Variants in N4BP1 observed in about 807,000 individuals in gnomAD.
The protein encoded by N4BP1 is NEDD4-binding protein 1.
In N4BP1, 21 loss-of-function variants were observed where a neutral mutation model predicts 70.9. The ratio of observed to expected loss-of-function variants is 0.30; its 90% CI spans 0.21 to 0.43. N4BP1 has a LOEUF of 0.43. Ranked by LOEUF, N4BP1 falls within the 20% of genes least tolerant of loss-of-function variation. The pLI is 1.00. For synonymous variants in N4BP1, 387 were observed against 394.6 expected (o/e 0.98, Z 0.23); for missense variants, 936 against 1,069.4 (o/e 0.88, Z 1.74).
chr16:48,542,915 C>A lies in N4BP1; in HGVS notation c.2680G>T (p.Val894Leu). 1 of 1,607,642 alleles carries A rather than the reference C, an allele frequency of 6.2e-7. No homozygotes were observed. Among genetic ancestry groups the A allele is most frequent in the Non-Finnish European group, 8.5e-7 (1 of 1,175,278 alleles). The stretch of plus-strand genomic sequence containing the variant: ...GCTCAGCACAATCTTCAATCCAACA[C>A]CATGGCAGAAAGCGCATTTAGATCT... ...MKDLNALSAMVLD is the reference protein window; with the variant it reads ...MKDLNALSAMLLD The change falls in exon 7 of 7, where the codon GTG (valine) becomes TTG (leucine). Residue 894 changes from valine to leucine, a missense_variant. Transcript: ENST00000262384.
chr16:48,550,300 G>A (rs956585457), intron 4 of N4BP1, among the ~76,000 whole-genome samples: 1 of 151,952 alleles, frequency 6.6e-6, no homozygotes, highest in Non-Finnish European at 1.5e-5. Context: ...ATCATCTGAG[G>A]TCAGGAGTTT....
intron 1 of N4BP1, among the ~76,000 whole-genome samples, chr16:48,604,832 GATA>G: frequency 6.6e-6 from 1 of 152,024 alleles, no homozygotes; most frequent in Non-Finnish European, 1.5e-5. Flanking sequence ...GCTTCTCTTA[GATA>G]ATAAGACTGG....
At position 48,541,796 on chromosome 16, in the gene N4BP1, G is replaced by C. The variant is rs1017882887; in HGVS notation, c.*1108C>G. 6.6e-6 allele frequency: 1 copy of C among 152,624 alleles called. No homozygotes were observed. The highest frequency in any genetic ancestry group is 1.5e-5 in the Non-Finnish European group (1 of 68,048). 9.5% of individuals were successfully genotyped at this position (152,624 alleles called of 1,614,324 possible). Reference sequence around the variant, plus strand: ...ATATTAAGATATCAATTCTGAGAAAGACTCACAGGAAAGGCTGTTTAGGAG... The same window carrying C: ...ATATTAAGATATCAATTCTGAGAAACACTCACAGGAAAGGCTGTTTAGGAG... On this transcript the variant is annotated 3_prime_UTR_variant, in exon 7 of 7. Coordinates refer to ENST00000262384, the MANE Select transcript of N4BP1 (RefSeq NM_153029.4).
chr16:48,565,849 G>A (rs905163676), intron 1 of N4BP1, among the ~76,000 whole-genome samples: 1 of 152,198 alleles, frequency 6.6e-6, no homozygotes, highest in African/African-American at 2.4e-5. Context: ...TATGAAGTGA[G>A]TCATGGCAGT....
At chr16:48,605,443 C>G (rs1175829969) in intron 1 of N4BP1, among the ~76,000 whole-genome samples, 1 of 152,188 alleles carries the variant, frequency 6.6e-6, no homozygotes, top group East Asian at 1.9e-4. Context: ...TCACTTTAAT[C>G]TCTATTTGCG....
chr16:48,607,506 G>C (rs1964601764), intron 1 of N4BP1, among the ~76,000 whole-genome samples: 1 of 152,194 alleles, frequency 6.6e-6, no homozygotes, highest in South Asian at 2.1e-4. Flanking sequence ...TCCAGGGCAG[G>C]AGAATGACTT....
intron 4 of N4BP1, 97 bp downstream of exon 4, chr16:48,551,289 A>C (rs1963662027): frequency 2.6e-6 from 2 of 776,134 alleles, no homozygotes; most frequent in East Asian, 5.1e-5. Context: ...CACTGCATCA[A>C]GCAGGTCCTC....
At chr16:48,552,345 C>A (rs1349959846) in intron 3 of N4BP1, among the ~76,000 whole-genome samples, 1 of 152,060 alleles carries the variant, frequency 6.6e-6, no homozygotes, top group Non-Finnish European at 1.5e-5. Context: ...GATTCCCACA[C>A]CTGCATTCCC....
chr16:48,595,998 C>T (rs757439770), intron 1 of N4BP1, among the ~76,000 whole-genome samples: 1 of 152,166 alleles, frequency 6.6e-6, no homozygotes, highest in Non-Finnish European at 1.5e-5. Context: ...AACTGAATTC[C>T]ATCAAAGCCA....
intron 3 of N4BP1, among the ~76,000 whole-genome samples, chr16:48,551,790 A>G (rs1250985638): frequency 1.3e-5 from 2 of 152,092 alleles, no homozygotes; most frequent in Non-Finnish European, 2.9e-5. Context: ...AGGCTGAGGC[A>G]GGTGGATTAC....
At chr16:48,558,390 G>C (rs1963789290) in intron 2 of N4BP1, among the ~76,000 whole-genome samples, 1 of 152,058 alleles carries the variant, frequency 6.6e-6, no homozygotes, top group African/African-American at 2.4e-5. Context: ...ACTGTACTCA[G>C]GGCATTAGGA....
chr16:48,566,859 T>G (rs1269927155), intron 1 of N4BP1, among the ~76,000 whole-genome samples: 1 of 152,208 alleles, frequency 6.6e-6, no homozygotes, highest in Non-Finnish European at 1.5e-5. Flanking sequence ...GTTCTGCCAG[T>G]TTTTGGTTCA....
chr16:48,600,927 C>T (rs1396191553), intron 1 of N4BP1, among the ~76,000 whole-genome samples: 1 of 152,076 alleles, frequency 6.6e-6, no homozygotes, highest in African/African-American at 2.4e-5. Flanking sequence ...GATAATGGCA[C>T]TAGGTGGCAT....
intron 1 of N4BP1, among the ~76,000 whole-genome samples, chr16:48,581,311 A>C (rs1047094583): frequency 1.3e-5 from 2 of 152,128 alleles, no homozygotes; most frequent in African/African-American, 4.8e-5. Flanking sequence ...TCTGCAACTC[A>C]TAACATACTC....
At chr16:48,567,842 A>G (rs1209550928) in intron 1 of N4BP1, among the ~76,000 whole-genome samples, 2 of 152,150 alleles carry the variant, frequency 1.3e-5, no homozygotes, top group African/African-American at 4.8e-5. Context: ...GCTAATTCCT[A>G]GGGGTGGTCC....
Position 48,562,446 on chromosome 16 carries a change from T to C in N4BP1, c.199-2A>G, listed in dbSNP as rs781267819. 1.9e-6 allele frequency: 3 copies of C among 1,578,842 alleles called. No individual in the cohort carries two copies. Among genetic ancestry groups the C allele is most frequent in the Non-Finnish European group, 2.6e-6 (3 of 1,166,688 alleles). On this transcript the variant is annotated splice_acceptor_variant, in intron 1 of 6. Transcript: ENST00000262384. LOFTEE classifies it high-confidence loss of function. ...TTCACAGATTCCTTTAATATATTCC[T>C]GTAAAGAGAAAATAAGAAATTAGGT... is the stretch of plus-strand genomic sequence containing the variant.
chr16:48,608,092 C>A (rs1035383392), intron 1 of N4BP1, among the ~76,000 whole-genome samples: 8 of 152,148 alleles, frequency 5.3e-5, no homozygotes, highest in Non-Finnish European at 1.0e-4. Context: ...GAGACCCTGT[C>A]TCAAACAGAA....
intron 1 of N4BP1, among the ~76,000 whole-genome samples, chr16:48,563,430 G>C (rs1225536622): frequency 6.7e-6 from 1 of 150,180 alleles, no homozygotes; most frequent in Non-Finnish European, 1.5e-5. Flanking sequence ...TTTTTGAGAT[G>C]GAGTTTTGTT....
chr16:48,583,059 C>T (rs2151096365), intron 1 of N4BP1, among the ~76,000 whole-genome samples: 1 of 152,182 alleles, frequency 6.6e-6, no homozygotes, highest in Non-Finnish European at 1.5e-5. Context: ...GCACTCTAGC[C>T]TGGGCGACAG....
Sources: gnomAD v4.1 joint callset for allele counts (sites outside exome capture counted in the v4.1 genomes callset) on GRCh38, gnomAD v4.1.1 for gene constraint, MANE v1.5 for transcripts, NCBI Gene and HGNC (gene_info 2026-07-23, HGNC 2026-07-21) for gene names.